ARHGAP42: variants seen among roughly 807,000 people sequenced by gnomAD.
The protein encoded by ARHGAP42 is rho GTPase-activating protein 42.
In ARHGAP42, 63 loss-of-function variants were observed where a neutral mutation model predicts 125.0. The observed-to-expected ratio is 0.50, with a 90% CI of 0.41 to 0.62. The LOEUF (loss-of-function observed/expected upper bound fraction) is 0.62, where lower values mean the gene tolerates loss of function less well. ARHGAP42 is among the 20% of genes least tolerant of loss of function. The probability of loss-of-function intolerance (pLI) is 0.00; values close to 1 mark genes in which losing one functional copy is unlikely to be tolerated. For missense variants in ARHGAP42, 766 were observed against 1,024.2 expected (o/e 0.75, Z 3.44); for synonymous variants, 339 against 351.0 (o/e 0.97, Z 0.38).
At chr11:100,840,923 CT>C (rs1255383429) in intron 3 of ARHGAP42, among the ~76,000 whole-genome samples, 1 of 152,024 alleles carries the variant, frequency 6.6e-6, no homozygotes, top group Admixed American at 6.6e-5. Context: ...TAAATTTTAT[CT>C]TCTTTGGGCT....
At chr11:100,783,025 C>G (rs1247972423) in intron 2 of ARHGAP42, among the ~76,000 whole-genome samples, 2 of 152,200 alleles carry the variant, frequency 1.3e-5, no homozygotes, top group African/African-American at 2.4e-5. Context: ...AATTTGATTT[C>G]TGGGCTCTAC....
At chr11:100,901,141 T>G (rs182822791) in intron 4 of ARHGAP42, among the ~76,000 whole-genome samples, 2 of 152,316 alleles carry the variant, frequency 1.3e-5, no homozygotes, top group East Asian at 3.9e-4. Flanking sequence ...CTTCTAACAG[T>G]CAAGTCCCTC....
intron 1 of ARHGAP42, among the ~76,000 whole-genome samples, chr11:100,724,187 G>A (rs894954056): frequency 3.3e-5 from 5 of 151,998 alleles, no homozygotes; most frequent in African/African-American, 1.2e-4. Context: ...TTGGTGGGGG[G>A]TAATTTTTTA....
At chr11:100,696,793 C>T (rs988571516) in intron 1 of ARHGAP42, among the ~76,000 whole-genome samples, 3 of 152,286 alleles carry the variant, frequency 2.0e-5, no homozygotes, top group Non-Finnish European at 4.4e-5. Flanking sequence ...TCTCCCACCT[C>T]TACCTCCTGT....
intron 22 of ARHGAP42, among the ~76,000 whole-genome samples, chr11:100,982,077 C>T (rs1385730422): frequency 6.6e-6 from 1 of 152,104 alleles, no homozygotes; most frequent in African/African-American, 2.4e-5. Context: ...AGGTACCTAG[C>T]AAGGAGGCTT....
At chr11:100,770,496 T>C in intron 2 of ARHGAP42, 58 bp downstream of exon 2, 1 of 1,140,682 alleles carries the variant, frequency 8.8e-7, no homozygotes, top group Non-Finnish European at 1.3e-6. Context: ...TGAAATCAAA[T>C]AGACACACAC....
chr11:100,696,123 G>T (rs1302145919), intron 1 of ARHGAP42, among the ~76,000 whole-genome samples: 2 of 152,068 alleles, frequency 1.3e-5, no homozygotes, highest in African/African-American at 4.8e-5. Context: ...CCTTGGGAGG[G>T]TGAGGTGGGA....
At chr11:100,943,950 C>T in intron 10 of ARHGAP42, 82 bp downstream of exon 10, 1 of 899,504 alleles carries the variant, frequency 1.1e-6, no homozygotes, top group Non-Finnish European at 1.6e-6. Context: ...CATGAAACAG[C>T]ATTCAAGTGT....
chr11:100,873,754 G>A (rs563777841), intron 4 of ARHGAP42, among the ~76,000 whole-genome samples: 35 of 152,118 alleles, frequency 2.3e-4, no homozygotes, highest in Non-Finnish European at 3.5e-4. Flanking sequence ...TTTTACTAAT[G>A]AGTAAACTGA....
At chr11:100,869,014 A>G (rs1436187609) in intron 4 of ARHGAP42, among the ~76,000 whole-genome samples, 1 of 152,084 alleles carries the variant, frequency 6.6e-6, no homozygotes, top group Non-Finnish European at 1.5e-5. Context: ...TGAAGTAATC[A>G]TGCATGTAGA....
chr11:100,754,440 C>A (rs1489315060), intron 1 of ARHGAP42, among the ~76,000 whole-genome samples: 1 of 152,142 alleles, frequency 6.6e-6, no homozygotes, highest in East Asian at 1.9e-4. Flanking sequence ...TTTAAGGAAC[C>A]TTGCGTTCAG....
chr11:100,855,814 A>G (rs1381428265), intron 3 of ARHGAP42, among the ~76,000 whole-genome samples: 1 of 152,146 alleles, frequency 6.6e-6, no homozygotes, highest in Non-Finnish European at 1.5e-5. Flanking sequence ...CTTCTACTGA[A>G]AATAAGTGAA....
intron 1 of ARHGAP42, among the ~76,000 whole-genome samples, chr11:100,753,092 G>C (rs2120353634): frequency 6.6e-6 from 1 of 152,286 alleles, no homozygotes. Flanking sequence ...GGCAAAGCCA[G>C]GTGGGAGCTG....
intron 2 of ARHGAP42, among the ~76,000 whole-genome samples, chr11:100,779,562 G>A (rs1261159819): frequency 5.6e-5 from 5 of 89,692 alleles, no homozygotes; most frequent in African/African-American, 1.2e-4. Flanking sequence ...ATATACATAC[G>A]TATATATACG....
intron 4 of ARHGAP42, among the ~76,000 whole-genome samples, chr11:100,875,712 G>A (rs765229433): frequency 3.3e-5 from 5 of 152,098 alleles, no homozygotes; most frequent in Non-Finnish European, 5.9e-5. Flanking sequence ...TCAGTGGCCC[G>A]TCACAGGGCC....
intron 3 of ARHGAP42, among the ~76,000 whole-genome samples, chr11:100,846,442 T>C (rs1204817971): frequency 6.6e-6 from 1 of 152,170 alleles, no homozygotes; most frequent in African/African-American, 2.4e-5. Context: ...ATCTTTATCA[T>C]TTAAGTTTGA....
At chr11:100,985,223 A>G (rs1858644659) in intron 22 of ARHGAP42, among the ~76,000 whole-genome samples, 1 of 152,144 alleles carries the variant, frequency 6.6e-6, no homozygotes, top group Non-Finnish European at 1.5e-5. Flanking sequence ...AGGTCATTGT[A>G]AAGAATATTG....
chr11:100,936,104 G>C, intron 7 of ARHGAP42, 99 bp from the exon 8 acceptor site: 1 of 1,417,394 alleles, frequency 7.1e-7, no homozygotes, highest in Non-Finnish European at 9.6e-7. Context: ...GTGATACTCT[G>C]TCTCAAAAAT....
chr11:100,866,302 A>T (rs544137604), intron 4 of ARHGAP42, among the ~76,000 whole-genome samples: 1 of 152,288 alleles, frequency 6.6e-6, no homozygotes, highest in Admixed American at 6.5e-5. Flanking sequence ...GACGTCTTCA[A>T]ACCCCACCAA....
Sources: gnomAD v4.1 joint callset for allele counts (sites outside exome capture counted in the v4.1 genomes callset) on GRCh38, gnomAD v4.1.1 for gene constraint, MANE v1.5 for transcripts, NCBI Gene and HGNC (gene_info 2026-07-23, HGNC 2026-07-21) for gene names.